CYB5R4: variants seen among roughly 807,000 people sequenced by gnomAD.
CYB5R4 encodes cytochrome b5 reductase 4.
Under a neutral mutation model 70.2 loss-of-function variants are expected in CYB5R4, and 55 were observed. That is an observed-to-expected ratio of 0.78 (90% CI 0.63 to 0.98). CYB5R4 has a LOEUF of 0.98. Among genes scored for constraint, CYB5R4 ranks in the 50% least tolerant of loss-of-function variants. The probability of loss-of-function intolerance (pLI) is 0.00; values close to 1 mark genes in which losing one functional copy is unlikely to be tolerated. For missense variants in CYB5R4, 562 were observed against 612.6 expected (o/e 0.92, Z 0.87); for synonymous variants, 197 against 199.5 (o/e 0.99, Z 0.11).
In CYB5R4 at chr6:83,966,399, A is replaced by T. The variant is rs1412546996; in HGVS notation, c.*6521A>T. 2.0e-5 allele frequency: 3 copies of T among 152,204 alleles called. No homozygotes were observed. Among genetic ancestry groups the T allele is most frequent in the Non-Finnish European group, 4.4e-5 (3 of 68,034 alleles). 9.4% of individuals were successfully genotyped at this position (152,204 alleles called of 1,614,324 possible). A position where few individuals can be genotyped will look rare whatever the true frequency, so the allele number is the denominator to read the frequency against. ...AAAATAAATCTTTAAAAAAATAAAA[A>T]TAAAAAGGAGGCCTGTGTGCGGTGG... On this transcript the variant is annotated 3_prime_UTR_variant, in exon 16 of 16. Transcript: ENST00000369681.
intron 13 of CYB5R4, 39 bp from the exon 14 acceptor site, chr6:83,940,476 A>G: frequency 6.6e-7 from 1 of 1,513,080 alleles, no homozygotes; most frequent in Non-Finnish European, 8.9e-7. Context: ...TTTAAATGTA[A>G]TTAATTAGTT....
Position 83,966,044 on chromosome 6 carries a change from G to C in CYB5R4, c.*6166G>C, listed in dbSNP as rs1458031538. 2 of 152,156 alleles carry C rather than the reference G, an allele frequency of 1.3e-5. No individual in the cohort carries two copies. Among genetic ancestry groups the C allele is most frequent in the Admixed American group, 1.3e-4 (2 of 15,264 alleles). The allele number at this position is 152,156 out of a possible 1,614,324, so 9.4% of individuals were successfully genotyped here. On this transcript the variant is annotated 3_prime_UTR_variant, in exon 16 of 16. Transcript: ENST00000369681. ...TTTCTTGGGTATGTCTTTATCAGCAGTGATTCTATTCCTATGAAATGTCTA... is the reference window on the plus strand; with the variant it reads ...TTTCTTGGGTATGTCTTTATCAGCACTGATTCTATTCCTATGAAATGTCTA...
rs762374816 is a variant in CYB5R4, at chr6:83,961,114, C to T, written c.*1236C>T. 1 of 152,130 alleles carries T rather than the reference C, an allele frequency of 6.6e-6. No individual in the cohort carries two copies. The highest frequency in any genetic ancestry group is 1.5e-5 in the Non-Finnish European group (1 of 68,020). The allele number at this position is 152,130 out of a possible 1,614,324, so 9.4% of individuals were successfully genotyped here. ...TCAAGAGGAACACAATATTAATATT[C>T]CCCAAATTACAGACGCCCAGCTTGT... On this transcript the variant is annotated 3_prime_UTR_variant, in exon 16 of 16. Coordinates refer to ENST00000369681, the MANE Select transcript of CYB5R4 (RefSeq NM_016230.4).
chr6:83,871,338 A>T (rs1443097355), intron 2 of CYB5R4, among the ~76,000 whole-genome samples: 1 of 152,186 alleles, frequency 6.6e-6, no homozygotes, highest in African/African-American at 2.4e-5. Context: ...TCACATGATT[A>T]TGCAAATAAT....
intron 5 of CYB5R4, among the ~76,000 whole-genome samples, chr6:83,916,713 T>A (rs1455388272): frequency 6.6e-6 from 1 of 152,146 alleles, no homozygotes; most frequent in Non-Finnish European, 1.5e-5. Context: ...GGGCTCACCA[T>A]CAGCCCATTC....
chr6:83,917,768 C>T (rs188166594), intron 5 of CYB5R4, among the ~76,000 whole-genome samples: 2 of 152,048 alleles, frequency 1.3e-5, no homozygotes, highest in African/African-American at 4.8e-5. Flanking sequence ...ACATGTTACT[C>T]TTGAGGCAGG....
At chr6:83,907,837 C>T (rs1030265048) in intron 3 of CYB5R4, among the ~76,000 whole-genome samples, 1 of 152,254 alleles carries the variant, frequency 6.6e-6, no homozygotes, top group Admixed American at 6.5e-5. Context: ...CCTAGTATTC[C>T]ATGGTGTATA....
intron 2 of CYB5R4, among the ~76,000 whole-genome samples, chr6:83,866,858 G>A (rs1315461318): frequency 6.6e-6 from 1 of 152,084 alleles, no homozygotes; most frequent in Non-Finnish European, 1.5e-5. Flanking sequence ...GTCTCAAGCA[G>A]TCCTCCTGCC....
chr6:83,900,768 C>T (rs1046305121), intron 3 of CYB5R4, among the ~76,000 whole-genome samples: 4 of 152,066 alleles, frequency 2.6e-5, no homozygotes, highest in African/African-American at 9.6e-5. Context: ...AAGTCTGTTT[C>T]ATCAGAGACT....
chr6:83,964,087 G>A lies in CYB5R4; in HGVS notation c.*4209G>A, dbSNP rs1035101911. ...CCTTTTTTTCCCCAGTCTCAGGTAC[G>A]TCTTTTATCAGCAGCGTGAAAATGG... On this transcript the variant is annotated 3_prime_UTR_variant, in exon 16 of 16. Coordinates refer to ENST00000369681, the MANE Select transcript of CYB5R4 (RefSeq NM_016230.4). The A allele has an allele frequency of 6.7e-5, 12 of 179,584 alleles. No individual in the cohort carries two copies. The highest frequency in any genetic ancestry group is 2.4e-3 in the Middle Eastern group (1 of 416). The allele number at this position is 179,584 out of a possible 1,614,324, so 11.1% of individuals were successfully genotyped here. A position where few individuals can be genotyped will look rare whatever the true frequency, so the allele number is the denominator to read the frequency against.
rs1426069401 is a variant in CYB5R4, at chr6:83,940,149, G to C, written c.1202G>C (p.Gly401Ala). 4.3e-6 allele frequency: 7 copies of C among 1,611,206 alleles called. No homozygotes were observed. Among genetic ancestry groups the C allele is most frequent in the Non-Finnish European group, 5.9e-6 (7 of 1,177,988 alleles). Reference sequence around the variant, plus strand: ...CTCTTTTTGTTGGCAGCTGGAACAGGCTTCACACCAATGGTTAAAATACTG... The same window carrying C: ...CTCTTTTTGTTGGCAGCTGGAACAGCCTTCACACCAATGGTTAAAATACTG... ...EDLFLLAAGT[G>A]FTPMVKILNY... is the part of the protein sequence containing the mutation. The change falls in exon 13 of 16, where the codon GGC (glycine) becomes GCC (alanine). Residue 401 changes from glycine (G) to alanine (A), a missense_variant. By Grantham distance (60) the Gly-to-Ala change is moderately conservative. Transcript: ENST00000369681.
intron 11 of CYB5R4, 54 bp from the exon 12 acceptor site, chr6:83,936,170 T>A: frequency 7.5e-7 from 1 of 1,341,750 alleles, no homozygotes; most frequent in Non-Finnish European, 1.0e-6. Context: ...TCATTTTCAT[T>A]GAGATTTTTG....
In CYB5R4 at chr6:83,894,798, G is replaced by A. The variant is rs979905904; in HGVS notation, c.330+1176G>A. Among the ~76,000 whole-genome samples, 36 of 152,116 alleles carry A rather than the reference G, an allele frequency of 2.4e-4. 1 individual carries two copies. Among genetic ancestry groups the A allele is most frequent in the African/African-American group, 8.0e-4 (33 of 41,412 alleles). On this transcript the variant is annotated intron_variant, in intron 3 of 15. Transcript: ENST00000369681. ...GAAAATATATTTATATTCCTTAAGT[G>A]GAAGTGGATCATCATGAAGGTCTTC... is the stretch of plus-strand genomic sequence containing the variant.
intron 14 of CYB5R4, among the ~76,000 whole-genome samples, chr6:83,943,353 A>C (rs760588284): frequency 2.6e-5 from 4 of 152,178 alleles, no homozygotes; most frequent in Non-Finnish European, 5.9e-5. Context: ...AAACTCCAGC[A>C]GACTTGCAGC....
intron 14 of CYB5R4, among the ~76,000 whole-genome samples, chr6:83,948,786 G>T (rs890645490): frequency 6.6e-5 from 10 of 151,978 alleles, no homozygotes; most frequent in Admixed American, 2.0e-4. Context: ...ACATAATTTG[G>T]GTTGGTGAGG....
intron 14 of CYB5R4, among the ~76,000 whole-genome samples, chr6:83,949,567 G>T (rs1315301378): frequency 3.3e-5 from 5 of 152,036 alleles, no homozygotes; most frequent in Admixed American, 1.3e-4. Context: ...AACAAATTTT[G>T]TAGTTAAGAG....
intron 9 of CYB5R4, 28 bp from the exon 10 acceptor site, chr6:83,924,442 A>C (rs1048108230): frequency 6.2e-7 from 1 of 1,608,450 alleles, no homozygotes; most frequent in African/African-American, 1.3e-5. Flanking sequence ...GTATCGATGA[A>C]CACAAATGGA....
At chr6:83,924,819 A>G (rs1055717730) in intron 10 of CYB5R4, among the ~76,000 whole-genome samples, 5 of 152,208 alleles carry the variant, frequency 3.3e-5, no homozygotes, top group Admixed American at 1.3e-4. Context: ...GTCATTACGT[A>G]ATGATACCTG....
Position 83,963,771 on chromosome 6 carries a change from T to C in CYB5R4, c.*3893T>C, listed in dbSNP as rs774929839. 6.6e-6 allele frequency: 1 copy of C among 152,262 alleles called. No homozygotes were observed. The highest frequency in any genetic ancestry group is 1.5e-5 in the Non-Finnish European group (1 of 68,104). The allele number at this position is 152,262 out of a possible 1,614,324, so 9.4% of individuals were successfully genotyped here. On this transcript the variant is annotated 3_prime_UTR_variant, in exon 16 of 16. Transcript: ENST00000369681. ...TGGAAACAACCCAAACATCCTGATATGGTTTGGCTCTGTGTCACCACCCAA... is the reference window on the plus strand; with the variant it reads ...TGGAAACAACCCAAACATCCTGATACGGTTTGGCTCTGTGTCACCACCCAA...
Sources: allele counts gnomAD v4.1 joint callset (sites outside exome capture counted in the v4.1 genomes callset), GRCh38; gene constraint gnomAD v4.1.1; transcripts MANE v1.5; gene names NCBI Gene and HGNC (gene_info 2026-07-23, HGNC 2026-07-21).